TBCD: variants seen among roughly 807,000 people sequenced by gnomAD.
TBCD encodes the protein tubulin folding cofactor D.
A neutral mutation model predicts 169.3 loss-of-function variants in TBCD; 105 were observed. The observed-to-expected ratio is 0.62, with a 90% CI of 0.53 to 0.73. The LOEUF is 0.73. TBCD is among the 30% of genes least tolerant of loss of function. TBCD has a pLI of 0.00. For missense variants in TBCD, 1,444 were observed against 1,600.1 expected (o/e 0.90, Z 1.66); for synonymous variants, 700 against 643.9 (o/e 1.09, Z -1.32).
At position 82,943,637 on chromosome 17, in the gene TBCD, CTG is replaced by C. The variant is rs1357938907; in HGVS notation, c.*1177_*1178del. The stretch of plus-strand genomic sequence containing the variant: ...GGTCACCAGGACCACAAGACCAGGA[CTG>C]TGACAGTCCGTGCTGTGTGTTTAGC... On this transcript the variant is annotated 3_prime_UTR_variant, in exon 39 of 39. Coordinates refer to ENST00000355528, the MANE Select transcript of TBCD (RefSeq NM_005993.5). 6.6e-6 allele frequency: 1 copy of C among 152,250 alleles called. No homozygotes were observed. Among genetic ancestry groups the C allele is most frequent in the African/African-American group, 2.4e-5 (1 of 41,458 alleles). The allele number at this position is 152,250 out of a possible 1,614,324, so 9.4% of individuals were successfully genotyped here. A position where few individuals can be genotyped will look rare whatever the true frequency, so the allele number is the denominator to read the frequency against.
chr17:82,919,844 C>G (rs991967561), intron 23 of TBCD, among the ~76,000 whole-genome samples: 4 of 152,142 alleles, frequency 2.6e-5, no homozygotes, highest in Non-Finnish European at 5.9e-5. Context: ...CCGACGGCCT[C>G]CGCATCTGTA....
At chr17:82,837,540 GCTGT>G (rs962318310) in intron 13 of TBCD, among the ~76,000 whole-genome samples, 5 of 152,198 alleles carry the variant, frequency 3.3e-5, no homozygotes, top group East Asian at 1.9e-4. Flanking sequence ...TGCCCGGAGA[GCTGT>G]CTGTCTGTCT....
Position 82,839,563 on chromosome 17 carries a change from C to CAT in TBCD, c.1318+24638_1318+24639dup, listed in dbSNP as rs577581262. Among the ~76,000 whole-genome samples the CAT allele has an allele frequency of 1.4e-3, 220 of 152,294 alleles. 1 individual carries two copies. The highest frequency in any genetic ancestry group is 5.1e-3 in the African/African-American group (213 of 41,554). The stretch of plus-strand genomic sequence containing the variant: ...TTCACCCTAATGTACATACACCACA[C>CAT]ATATATATATGACCCTTACCTCTTG... On this transcript the variant is annotated intron_variant, in intron 13 of 38. Transcript: ENST00000355528.
chr17:82,852,789 G>A (rs1041764991), intron 13 of TBCD, among the ~76,000 whole-genome samples: 1 of 152,206 alleles, frequency 6.6e-6, no homozygotes, highest in Non-Finnish European at 1.5e-5. Flanking sequence ...AGACGTTTGG[G>A]TTGTTTCCCA....
chr17:82,852,617 C>T (rs531856089), intron 13 of TBCD, among the ~76,000 whole-genome samples: 2 of 152,286 alleles, frequency 1.3e-5, no homozygotes, highest in East Asian at 3.9e-4. Context: ...GCCCCACTTG[C>T]GTGGCCTCAT....
intron 14 of TBCD, among the ~76,000 whole-genome samples, chr17:82,878,515 G>C (rs182853739): frequency 6.1e-4 from 15 of 24,426 alleles, no homozygotes; most frequent in Non-Finnish European, 9.2e-4. Context: ...ATGCTTTCTC[G>C]TGTGTTACTG....
intron 14 of TBCD, among the ~76,000 whole-genome samples, chr17:82,877,254 T>A (rs770154123): frequency 7.2e-5 from 11 of 152,358 alleles, no homozygotes; most frequent in Middle Eastern, 3.4e-3. Context: ...AAAATGAAAC[T>A]CTTGTTCATA....
At chr17:82,810,587 A>C (rs1791874050) in intron 12 of TBCD, among the ~76,000 whole-genome samples, 1 of 152,184 alleles carries the variant, frequency 6.6e-6, no homozygotes, top group African/African-American at 2.4e-5. Flanking sequence ...CTGGGATTTC[A>C]GCCTGGGGCC....
chr17:82,900,413 G>A (rs1567991767), intron 17 of TBCD: 1 of 482,276 alleles, frequency 2.1e-6, no homozygotes, highest in Admixed American at 3.8e-5. Context: ...ATGATGTCAG[G>A]GTGGTTTCCA....
At chr17:82,906,930 C>G (rs2060292636) in intron 20 of TBCD, among the ~76,000 whole-genome samples, 1 of 152,218 alleles carries the variant, frequency 6.6e-6, no homozygotes, top group Non-Finnish European at 1.5e-5. Context: ...TGGGGAGAAC[C>G]AGGCGGGAGC....
intron 33 of TBCD, 44 bp from the exon 34 acceptor site, chr17:82,932,614 C>T: frequency 6.4e-7 from 1 of 1,566,922 alleles, no homozygotes; most frequent in Non-Finnish European, 8.7e-7. Flanking sequence ...GTTGGGCGTC[C>T]TTGTTGCTGG....
chr17:82,780,237 C>A (rs969995214), intron 6 of TBCD, among the ~76,000 whole-genome samples: 1 of 152,208 alleles, frequency 6.6e-6, no homozygotes, highest in African/African-American at 2.4e-5. Flanking sequence ...CAGCCCCCCT[C>A]GTTGAGCTCC....
Position 82,938,147 on chromosome 17 carries a change from G to T in TBCD, c.3369+11G>T, listed in dbSNP as rs772518116. The T allele has an allele frequency of 6.2e-7, 1 of 1,610,270 alleles. No individual in the cohort carries two copies. Among genetic ancestry groups the T allele is most frequent in the African/African-American group, 1.3e-5 (1 of 74,842 alleles). On this transcript the variant is annotated intron_variant, in intron 36 of 38. Coordinates refer to ENST00000355528, the MANE Select transcript of TBCD (RefSeq NM_005993.5). ...CACCGTTTCCCGCTGGTGAGTGCCT[G>T]CCCCTGCTCACGTGTGTTTGCCGTG... is the stretch of plus-strand genomic sequence containing the variant.
At chr17:82,802,899 A>C (rs1470853947) in intron 9 of TBCD, among the ~76,000 whole-genome samples, 1 of 152,262 alleles carries the variant, frequency 6.6e-6, no homozygotes, top group Non-Finnish European at 1.5e-5. Flanking sequence ...TTGGTACAGA[A>C]AATAATCCAG....
At chr17:82,803,341 C>T (rs1013178072) in intron 9 of TBCD, among the ~76,000 whole-genome samples, 3 of 152,226 alleles carry the variant, frequency 2.0e-5, no homozygotes, top group African/African-American at 4.8e-5. Flanking sequence ...CCCGGGTCTC[C>T]GGGGCCCTCT....
chr17:82,862,865 G>A (rs1047289707), intron 13 of TBCD, among the ~76,000 whole-genome samples: 2 of 152,218 alleles, frequency 1.3e-5, no homozygotes, highest in African/African-American at 4.8e-5. Context: ...AGTAGGGCCA[G>A]GTGTCTGTCC....
At chr17:82,931,707 G>A (rs1272450925) in intron 33 of TBCD, among the ~76,000 whole-genome samples, 1 of 152,216 alleles carries the variant, frequency 6.6e-6, no homozygotes, top group Non-Finnish European at 1.5e-5. Context: ...GGGCTGCGGA[G>A]CCCAGCTCTC....
chr17:82,846,320 G>GC (rs2055098131), intron 13 of TBCD, among the ~76,000 whole-genome samples: 1 of 104,310 alleles, frequency 9.6e-6, no homozygotes, highest in Non-Finnish European at 2.2e-5. Flanking sequence ...TGCGTCCAGC[G>GC]TGCCGTGTCC....
intron 13 of TBCD, among the ~76,000 whole-genome samples, chr17:82,843,716 T>A (rs952222498): frequency 6.6e-6 from 1 of 152,194 alleles, no homozygotes; most frequent in Non-Finnish European, 1.5e-5. Context: ...CATATTCTTA[T>A]TAGTTTATGA....
Sources: gnomAD v4.1 joint callset for allele counts (sites outside exome capture counted in the v4.1 genomes callset) on GRCh38, gnomAD v4.1.1 for gene constraint, MANE v1.5 for transcripts, NCBI Gene and HGNC (gene_info 2026-07-23, HGNC 2026-07-21) for gene names.